Variants in ECHDC1 observed in about 807,000 individuals in gnomAD.
ECHDC1 encodes ethylmalonyl-CoA decarboxylase 1.
In ECHDC1, 29 loss-of-function variants were observed where a neutral mutation model predicts 29.7. The observed-to-expected ratio is 0.98, with a 90% confidence interval of 0.73 to 1.33. The LOEUF (loss-of-function observed/expected upper bound fraction) is 1.33, where lower values mean the gene tolerates loss of function less well. Ranked by LOEUF, ECHDC1 falls within the 40% of genes most tolerant of loss-of-function variation. The pLI is 0.00. For synonymous variants in ECHDC1, 126 were observed against 123.1 expected (o/e 1.02, Z -0.15); for missense variants, 328 against 350.0 (o/e 0.94, Z 0.50).
At chr6:127,331,958 C>T in intron 1 of ECHDC1, 1 of 782,652 alleles carries the variant, frequency 1.3e-6, no homozygotes, top group Non-Finnish European at 1.5e-6. Flanking sequence ...TTTTTACCTC[C>T]TGAGTAATCT....
rs576847366 is a variant in ECHDC1, at chr6:127,317,712, A to G, written c.364-1210T>C. 3.9e-5 allele frequency among the ~76,000 whole-genome samples: 6 copies of G among 152,270 alleles called. No individual in the cohort carries two copies. In the South Asian group the frequency reaches 1.2e-3, roughly 32 times the overall value. ...GCTCAGATTTTTGGTACTATGTTTGACTTTCCCGTTTCACAATTCTCCCAC... is the reference window on the plus strand; with the variant it reads ...GCTCAGATTTTTGGTACTATGTTTGGCTTTCCCGTTTCACAATTCTCCCAC... On this transcript the variant is annotated intron_variant, in intron 3 of 5. Coordinates refer to ENST00000454859, the MANE Select transcript of ECHDC1 (RefSeq NM_001002030.2).
intron 5 of ECHDC1, among the ~76,000 whole-genome samples, chr6:127,311,707 A>AG (rs142765007): frequency 1.1e-5 from 1 of 88,956 alleles, no homozygotes; most frequent in African/African-American, 4.8e-5. Context: ...AAGAAAAGAA[A>AG]AAAGAAAGAA....
chr6:127,317,056 C>G (rs917046773), intron 3 of ECHDC1, among the ~76,000 whole-genome samples: 3 of 152,042 alleles, frequency 2.0e-5, no homozygotes, highest in Admixed American at 2.0e-4. Context: ...CCCAAAATCT[C>G]TCCTCAAAAG....
intron 5 of ECHDC1, among the ~76,000 whole-genome samples, chr6:127,298,940 A>G (rs2114568878): frequency 6.6e-6 from 1 of 151,912 alleles, no homozygotes; most frequent in Middle Eastern, 3.4e-3. Flanking sequence ...CAGTGGTGCC[A>G]TAATGGCTCA....
Position 127,335,946 on chromosome 6 carries a change from T to C in ECHDC1, c.-2-4916A>G, listed in dbSNP as rs534099644. On this transcript the variant is annotated intron_variant, in intron 1 of 5. Coordinates refer to ENST00000454859, the MANE Select transcript of ECHDC1 (RefSeq NM_001002030.2). ...AATTAGAAAATGATACGGTATTAAC[T>C]GATTCTATGGTATTAACAGATTTTA... Among the ~76,000 whole-genome samples, 7 of 152,246 alleles carry C rather than the reference T, an allele frequency of 4.6e-5. 1 individual carries two copies. The East Asian group carries it at 1.2e-3, about 25-fold the overall frequency.
At chr6:127,324,702 A>G (rs1247677150) in intron 3 of ECHDC1, among the ~76,000 whole-genome samples, 4 of 152,214 alleles carry the variant, frequency 2.6e-5, no homozygotes, top group Non-Finnish European at 5.9e-5. Flanking sequence ...GAGTACTCAA[A>G]AAACAAAAGG....
At chr6:127,328,023 T>A (rs1783523124) in intron 2 of ECHDC1, among the ~76,000 whole-genome samples, 1 of 152,212 alleles carries the variant, frequency 6.6e-6, no homozygotes. Context: ...TGGCAAAAAA[T>A]TTGTACCACA....
At chr6:127,319,409 G>T (rs1244998541) in intron 3 of ECHDC1, among the ~76,000 whole-genome samples, 1 of 152,122 alleles carries the variant, frequency 6.6e-6, no homozygotes, top group Non-Finnish European at 1.5e-5. Context: ...GAGAATAAAA[G>T]TTATCTATCA....
At chr6:127,331,146 C>A in intron 1 of ECHDC1, 116 bp from the exon 2 acceptor site, 1 of 705,908 alleles carries the variant, frequency 1.4e-6, no homozygotes, top group Non-Finnish European at 2.2e-6. Context: ...AATACTTCCC[C>A]ATTTCTTTTT....
chr6:127,294,389 T>TA (rs773251185), intron 5 of ECHDC1: 14 of 152,332 alleles, frequency 9.2e-5, no homozygotes, highest in Non-Finnish European at 1.6e-4. Flanking sequence ...AACATAAACT[T>TA]ACTTGTTCAC....
chr6:127,290,968 C>T (rs1044994002), intron 5 of ECHDC1, among the ~76,000 whole-genome samples: 1 of 151,974 alleles, frequency 6.6e-6, no homozygotes, highest in African/African-American at 2.4e-5. Context: ...ATTTGAGCAG[C>T]CACCTGAGGA....
At chr6:127,292,214 C>G (rs1426813868) in intron 5 of ECHDC1, among the ~76,000 whole-genome samples, 1 of 151,860 alleles carries the variant, frequency 6.6e-6, no homozygotes, top group African/African-American at 2.4e-5. Flanking sequence ...ATCAGCTGAA[C>G]ATAAAAACTG....
intron 5 of ECHDC1, among the ~76,000 whole-genome samples, chr6:127,307,689 C>CAAAAAAAAAAAAAAAAA (rs1781558022): frequency 1.4e-5 from 1 of 69,084 alleles, no homozygotes. Context: ...TACAAAAGAG[C>CAAAAAAAAAAAAAAAAA]AATGAAACAA....
chr6:127,313,524 CATG>C (rs891954448), intron 5 of ECHDC1: 2 of 452,672 alleles, frequency 4.4e-6, no homozygotes, highest in Admixed American at 4.8e-5. Context: ...AAATGTACAA[CATG>C]ATGTTTTGAA....
At chr6:127,296,383 C>T (rs1208052506) in intron 5 of ECHDC1, among the ~76,000 whole-genome samples, 1 of 152,044 alleles carries the variant, frequency 6.6e-6, no homozygotes, top group Admixed American at 6.6e-5. Flanking sequence ...TTAGTAGAGA[C>T]AGGGTTTCAC....
chr6:127,340,354 A>G (rs1003717031), intron 1 of ECHDC1, among the ~76,000 whole-genome samples: 23 of 152,160 alleles, frequency 1.5e-4, no homozygotes, highest in African/African-American at 4.6e-4. Flanking sequence ...CTGAGGATGA[A>G]GGGAACTTGC....
chr6:127,289,295 C>T lies in ECHDC1; in HGVS notation c.*574G>A, dbSNP rs1471950281. On this transcript the variant is annotated 3_prime_UTR_variant, in exon 6 of 6. Coordinates refer to ENST00000454859, the MANE Select transcript of ECHDC1 (RefSeq NM_001002030.2). The stretch of plus-strand genomic sequence containing the variant: ...TTAGTAGGTAATTTACAATAGAAAA[C>T]TAATTATTGAAAAGAACAAAGTTCC... 1 of 151,956 alleles carries T rather than the reference C, an allele frequency of 6.6e-6. No homozygotes were observed. Among genetic ancestry groups the T allele is most frequent in the Non-Finnish European group, 1.5e-5 (1 of 67,992 alleles). 9.4% of individuals were successfully genotyped at this position (151,956 alleles called of 1,614,324 possible).
chr6:127,324,581 C>A (rs979617722), intron 3 of ECHDC1, among the ~76,000 whole-genome samples: 5 of 152,180 alleles, frequency 3.3e-5, no homozygotes, highest in Admixed American at 6.5e-5. Context: ...CTATCACCAT[C>A]CTCTACCATT....
At chr6:127,307,591 CACTGCACTCCAGCCT>C (rs796661806) in intron 5 of ECHDC1, among the ~76,000 whole-genome samples, 121 of 134,528 alleles carry the variant, frequency 9.0e-4, no homozygotes, top group African/African-American at 3.1e-3. Context: ...GAGATTACAC[CACTGCACTCCAGCCT>C]ACTGCACTCC....
Sources: gnomAD v4.1 joint callset for allele counts (sites outside exome capture counted in the v4.1 genomes callset) on GRCh38, gnomAD v4.1.1 for gene constraint, MANE v1.5 for transcripts, NCBI Gene and HGNC (gene_info 2026-07-23, HGNC 2026-07-21) for gene names.